The following UFL1 variants were observed in gnomAD, a reference collection of about 807,000 sequenced individuals.
UFL1 encodes E3 UFM1-protein ligase 1.
In UFL1, 78 loss-of-function variants were observed where a neutral mutation model predicts 99.3. The observed-to-expected ratio is 0.79, with a 90% CI of 0.65 to 0.95. The LOEUF is 0.95. Among genes scored for constraint, UFL1 ranks in the 40% least tolerant of loss-of-function variants. The pLI, the probability that UFL1 is intolerant of heterozygous loss-of-function variation, is 0.00. For synonymous variants in UFL1, 335 were observed against 322.2 expected, an observed-to-expected ratio of 1.04 and a Z score of -0.42; for missense variants, 936 against 937.0, an observed-to-expected ratio of 1.00 and a Z score of 0.01.
intron 6 of UFL1, among the ~76,000 whole-genome samples, chr6:96,530,635 T>A (rs1476646566): frequency 1.3e-5 from 2 of 152,192 alleles, no homozygotes; most frequent in Admixed American, 1.3e-4. Flanking sequence ...TGGCCCTGAT[T>A]TAGCTAGTGG....
At chr6:96,538,554 CAT>C in intron 9 of UFL1, 75 bp from the exon 10 acceptor site, 1 of 1,338,728 alleles carries the variant, frequency 7.5e-7, no homozygotes, top group Non-Finnish European at 1.0e-6. Flanking sequence ...CTAGAGAGAG[CAT>C]ATATGTATAT....
At chr6:96,528,310 C>T (rs1769730775) in intron 5 of UFL1, among the ~76,000 whole-genome samples, 192 bp from the exon 6 acceptor site, 2 of 152,150 alleles carry the variant, frequency 1.3e-5, no homozygotes, top group Admixed American at 1.3e-4. Context: ...TTGGCTCTGC[C>T]ATGAGATAGT....
chr6:96,533,880 G>A (rs1334114483), intron 6 of UFL1, among the ~76,000 whole-genome samples: 3 of 148,500 alleles, frequency 2.0e-5, no homozygotes, highest in Non-Finnish European at 4.5e-5. Context: ...AACATTTTCA[G>A]TGCACATATG....
chr6:96,542,575 G>A (rs372580251), intron 11 of UFL1, among the ~76,000 whole-genome samples: 11 of 151,230 alleles, frequency 7.3e-5, no homozygotes, highest in East Asian at 3.9e-4. Flanking sequence ...AGGAGGTGAA[G>A]GAATGGATTT....
At position 96,538,735 on chromosome 6, in the gene UFL1, T is replaced by C. The variant is rs1769889510; in HGVS notation, c.1083T>C (p.Thr361=). The C allele has an allele frequency of 1.2e-6, 2 of 1,611,470 alleles. No homozygotes were observed. Among genetic ancestry groups the C allele is most frequent in the Non-Finnish European group, 1.7e-6 (2 of 1,178,326 alleles). ...KQASTVVFSD[T]VVVSEKFIND... is the part of the protein sequence containing the mutation. ...CCTCAACTGTAGTCTTTAGCGACAC[T>C]GTTGTAGTCAGTGAAAAATTTATAA... Residue 361 remains threonine (T), a synonymous_variant, in exon 10 of 19, where the codon ACT becomes ACC. Transcript: ENST00000369278.
chr6:96,521,808 C>G lies in UFL1; in HGVS notation c.-66C>G, dbSNP rs998314778. The G allele has an allele frequency of 1.6e-5, 24 of 1,543,780 alleles. No homozygotes were observed. The highest frequency in any genetic ancestry group is 2.0e-5 in the Non-Finnish European group (23 of 1,142,150). ...CCTCTGCGCGGCCCGTTCCGCCTCT[C>G]TTCTCCCACCGCCTGTCGGCTGACG... On this transcript the variant is annotated 5_prime_UTR_variant, in exon 1 of 19. Coordinates refer to ENST00000369278, the MANE Select transcript of UFL1 (RefSeq NM_015323.5).
Position 96,551,895 on chromosome 6 carries a change from G to T in UFL1, c.1957G>T (p.Val653Leu), listed in dbSNP as rs1267412880. 1 of 1,608,840 alleles carries T rather than the reference G, an allele frequency of 6.2e-7. No individual in the cohort carries two copies. Among genetic ancestry groups the T allele is most frequent in the Non-Finnish European group, 8.5e-7 (1 of 1,176,748 alleles). ...TGCAGCAGAAGCTTGTGATATTATG[G>T]TGAAAAGGGGAGACAAAAAAAGGGA... ...DSAAEACDIMVKRGDKKRERQ... is the reference protein window; with the variant it reads ...DSAAEACDIMLKRGDKKRERQ... Residue 653 changes from valine to leucine, a missense_variant, in exon 17 of 19, where the codon GTG becomes TTG. By Grantham distance (32) the Val-to-Leu change is conservative. Coordinates refer to ENST00000369278, the MANE Select transcript of UFL1 (RefSeq NM_015323.5).
chr6:96,536,050 A>G (rs1769848414), intron 7 of UFL1, among the ~76,000 whole-genome samples, 194 bp from the exon 8 acceptor site: 1 of 152,002 alleles, frequency 6.6e-6, no homozygotes, highest in African/African-American at 2.4e-5. Flanking sequence ...ACTTCCCTGA[A>G]TTTATGTTTT....
intron 6 of UFL1, among the ~76,000 whole-genome samples, chr6:96,532,115 C>T (rs78466871): frequency 0.039 from 5,975 of 152,184 alleles, 138 homozygotes; most frequent in South Asian, 0.11. Flanking sequence ...ATACTAAATA[C>T]GTTGTATTCC....
intron 3 of UFL1, among the ~76,000 whole-genome samples, chr6:96,524,776 T>G (rs1195273162): frequency 6.6e-6 from 1 of 152,184 alleles, no homozygotes; most frequent in Admixed American, 6.5e-5. Flanking sequence ...ATGTTTTTAG[T>G]ATATGAAAGT....
rs1770108959 is a variant in UFL1, at chr6:96,553,369, T to G, written c.2251T>G (p.Tyr751Asp). The G allele has an allele frequency of 5.0e-6, 8 of 1,613,810 alleles. No homozygotes were observed. Among genetic ancestry groups the G allele is most frequent in the Non-Finnish European group, 6.8e-6 (8 of 1,179,824 alleles). Residue 751 changes from tyrosine to aspartate, a missense_variant, in exon 19 of 19, where the codon TAT (tyrosine) becomes GAT (aspartate). Physicochemically the swap from Tyr to Asp is radical, Grantham distance 160. Coordinates refer to ENST00000369278, the MANE Select transcript of UFL1 (RefSeq NM_015323.5). ...AAGTAAGAAGACTGGGCAGGGAGAT[T>G]ATCCCTTGAATAATGAATTAGACAA... ...SQSKKTGQGD[Y>D]PLNNELDKEQ...
intron 8 of UFL1, among the ~76,000 whole-genome samples, chr6:96,536,697 G>A (rs374256066): frequency 9.5e-4 from 144 of 151,664 alleles, no homozygotes; most frequent in African/African-American, 3.4e-3. Context: ...GGTAGTAATC[G>A]CTGCCAATCT....
At chr6:96,548,534 A>G (rs2127953168) in intron 13 of UFL1, among the ~76,000 whole-genome samples, 1 of 151,762 alleles carries the variant, frequency 6.6e-6, no homozygotes, top group Middle Eastern at 3.4e-3. Flanking sequence ...TCACTCACCC[A>G]TCTTACAGTC....
intron 7 of UFL1, among the ~76,000 whole-genome samples, chr6:96,535,516 T>C (rs1430423647): frequency 6.6e-6 from 1 of 152,054 alleles, no homozygotes; most frequent in Non-Finnish European, 1.5e-5. Flanking sequence ...TGCCAGCTAC[T>C]GTTGCAAGCA....
Position 96,523,197 on chromosome 6 carries a change from A to T in UFL1, c.129A>T (p.Lys43Asn). 3 of 1,613,270 alleles carry T rather than the reference A, an allele frequency of 1.9e-6. No individual in the cohort carries two copies. The highest frequency in any genetic ancestry group is 2.5e-6 in the Non-Finnish European group (3 of 1,179,584). The change falls in exon 2 of 19, where the codon AAA (lysine) becomes AAT (asparagine). Residue 43 changes from lysine (K) to asparagine (N), a missense_variant. Coordinates refer to ENST00000369278, the MANE Select transcript of UFL1 (RefSeq NM_015323.5). ...TTGTTAATAAATTGATTGCTCAGAA[A>T]CAGCTAGAAGTAGTTCATACACTCG... Reference protein sequence around the residue: ...IEIVNKLIAQKQLEVVHTLDG... With the variant: ...IEIVNKLIAQNQLEVVHTLDG...
intron 6 of UFL1, among the ~76,000 whole-genome samples, chr6:96,529,383 C>T (rs553017419): frequency 6.6e-6 from 1 of 152,228 alleles, no homozygotes; most frequent in South Asian, 2.1e-4. Context: ...TAAAGTGAAC[C>T]TTCTCAACAG....
In UFL1 at chr6:96,536,365, C is replaced by T; in HGVS notation, c.777C>T (p.Ser259=). The change falls in exon 8 of 19, where the codon TCC becomes TCT. Residue 259 remains serine (S), a synonymous_variant. Transcript: ENST00000369278. The part of the protein sequence containing the change: ...YSRTQSTWVD[S]FFRQNGYLEF... ...GGACACAGAGTACTTGGGTGGATTCCTTTTTCAGGCAGAATGGCTATCTAG... is the reference window on the plus strand; with the variant it reads ...GGACACAGAGTACTTGGGTGGATTCTTTTTTCAGGCAGAATGGCTATCTAG... 6.2e-7 allele frequency: 1 copy of T among 1,604,852 alleles called. No individual in the cohort carries two copies. Among genetic ancestry groups the T allele is most frequent in the African/African-American group, 1.3e-5 (1 of 74,758 alleles).
rs1769952695 is a variant in UFL1 at position 96,543,017 on chromosome 6, G to A, written c.1402+1G>A. ...GATGAATCTCAATCATCCCACACTG[G>A]TAGGTAGCTTTTCTTTACTTTTCCT... On this transcript the variant is annotated splice_donor_variant, in intron 12 of 18. Transcript: ENST00000369278. LOFTEE classifies it high-confidence loss of function. 1 of 1,586,630 alleles carries A rather than the reference G, an allele frequency of 6.3e-7. No individual in the cohort carries two copies. The highest frequency in any genetic ancestry group is 1.2e-5 in the South Asian group (1 of 86,428).
intron 15 of UFL1, among the ~76,000 whole-genome samples, chr6:96,550,301 C>T (rs1770059773): frequency 6.6e-6 from 1 of 151,826 alleles, no homozygotes; most frequent in Non-Finnish European, 1.5e-5. Flanking sequence ...GACAACCCCT[C>T]CTTCTCCTTC....
Sources: gnomAD v4.1 joint callset for allele counts (sites outside exome capture counted in the v4.1 genomes callset) on GRCh38, gnomAD v4.1.1 for gene constraint, MANE v1.5 for transcripts, NCBI Gene and HGNC (gene_info 2026-07-23, HGNC 2026-07-21) for gene names.